TCF12: variants seen among roughly 807,000 people sequenced by gnomAD.
TCF12 encodes transcription factor 12.
Under a neutral mutation model 86.0 loss-of-function variants are expected in TCF12, and 45 were observed. The observed-to-expected ratio is 0.52, with a 90% confidence interval of 0.41 to 0.67. TCF12 has a LOEUF of 0.67. TCF12 is among the 30% of genes least tolerant of loss of function. The pLI, the probability that TCF12 is intolerant of heterozygous loss-of-function variation, is 0.00. For synonymous variants in TCF12, 330 were observed against 299.6 expected (o/e 1.10, Z -1.05); for missense variants, 881 against 859.9 (o/e 1.02, Z -0.31).
At chr15:56,970,215 C>T (rs1254659645) in intron 3 of TCF12, among the ~76,000 whole-genome samples, 1 of 152,066 alleles carries the variant, frequency 6.6e-6, no homozygotes, top group Admixed American at 6.5e-5. Context: ...GGAGTGGTGG[C>T]TCATGCCTGT....
intron 7 of TCF12, among the ~76,000 whole-genome samples, 176 bp downstream of exon 7, chr15:57,192,469 G>A (rs1046115431): frequency 6.6e-6 from 1 of 151,774 alleles, no homozygotes; most frequent in African/African-American, 2.4e-5. Context: ...GCTTACCGCA[G>A]TCTCAACCTC....
chr15:57,191,505 C>T (rs1193973035), intron 6 of TCF12, among the ~76,000 whole-genome samples: 3 of 152,046 alleles, frequency 2.0e-5, no homozygotes, highest in African/African-American at 4.8e-5. Context: ...TTTCTGCTGC[C>T]GTATGTGTTC....
At position 57,280,518 on chromosome 15, in the gene TCF12, C is replaced by T. The variant is rs77158342; in HGVS notation, c.1979-1927C>T. Among the ~76,000 whole-genome samples, 267 of 152,280 alleles carry T rather than the reference C, an allele frequency of 1.8e-3. 6 individuals are homozygous for T. In the East Asian group the frequency reaches 0.029, roughly 17 times the overall value. On this transcript the variant is annotated intron_variant, in intron 19 of 20. Transcript: ENST00000333725. ...AAGATTTTTGTTTACTTTTTAAAAA[C>T]TTGGATGTGAACTGTAAATGTGTAT...
intron 3 of TCF12, among the ~76,000 whole-genome samples, chr15:56,922,322 T>A (rs1268508678): frequency 1.3e-5 from 2 of 152,022 alleles, no homozygotes; most frequent in African/African-American, 4.8e-5. Flanking sequence ...TTGCCTACTG[T>A]TCCAGCTTAA....
chr15:57,010,398 G>A (rs1454720036), intron 3 of TCF12, among the ~76,000 whole-genome samples: 1 of 151,898 alleles, frequency 6.6e-6, no homozygotes, highest in Admixed American at 6.6e-5. Flanking sequence ...AAATAAACAA[G>A]ACATGCAGCC....
chr15:57,163,483 T>G (rs1354023980), intron 5 of TCF12, among the ~76,000 whole-genome samples: 1 of 152,076 alleles, frequency 6.6e-6, no homozygotes. Context: ...GAGGGTTGCT[T>G]GAGCCCAGGA....
At chr15:57,281,261 C>T (rs911867772) in intron 19 of TCF12, among the ~76,000 whole-genome samples, 1 of 152,134 alleles carries the variant, frequency 6.6e-6, no homozygotes, top group African/African-American at 2.4e-5. Context: ...TGTCACAGAT[C>T]CCACGCAGTC....
intron 12 of TCF12, among the ~76,000 whole-genome samples, chr15:57,240,153 G>A (rs2059551075): frequency 6.6e-6 from 1 of 152,278 alleles, no homozygotes; most frequent in Non-Finnish European, 1.5e-5. Flanking sequence ...CAAGGATTAT[G>A]CTTTTCATTC....
chr15:57,237,876 C>T (rs1344245796), intron 12 of TCF12, among the ~76,000 whole-genome samples: 1 of 152,162 alleles, frequency 6.6e-6, no homozygotes, highest in Non-Finnish European at 1.5e-5. Context: ...AGTGAAATGA[C>T]CTGTGATCCA....
chr15:57,123,982 A>AAAAAAAAAAAAAAT (rs1555511574), intron 5 of TCF12, among the ~76,000 whole-genome samples: 1 of 111,214 alleles, frequency 9.0e-6, no homozygotes, highest in African/African-American at 3.0e-5. Flanking sequence ...AAAAAAAAAA[A>AAAAAAAAAAAAAAT]TTTTTTTTTT....
intron 3 of TCF12, among the ~76,000 whole-genome samples, chr15:56,960,493 A>G (rs1461348866): frequency 6.7e-6 from 1 of 150,078 alleles, no homozygotes; most frequent in African/African-American, 2.5e-5. Context: ...GCAGTGGCAT[A>G]ATCTCGGCTC....
At chr15:57,103,918 G>A (rs1567429551) in intron 5 of TCF12, among the ~76,000 whole-genome samples, 1 of 152,152 alleles carries the variant, frequency 6.6e-6, no homozygotes, top group African/African-American at 2.4e-5. Flanking sequence ...TGAGGTGGGA[G>A]AATTGCTTGA....
intron 4 of TCF12, among the ~76,000 whole-genome samples, chr15:57,085,137 A>G (rs1031200670): frequency 6.6e-6 from 1 of 152,210 alleles, no homozygotes; most frequent in Non-Finnish European, 1.5e-5. Flanking sequence ...GCATTCATGA[A>G]TAAAATGTTA....
chr15:57,004,494 C>T (rs1007153514), intron 3 of TCF12, among the ~76,000 whole-genome samples: 6 of 152,030 alleles, frequency 3.9e-5, no homozygotes, highest in East Asian at 1.9e-4. Flanking sequence ...CTGCAAGCTC[C>T]GCCTCCCAGG....
chr15:57,035,804 G>C (rs2066470483), intron 3 of TCF12, among the ~76,000 whole-genome samples: 1 of 152,102 alleles, frequency 6.6e-6, no homozygotes, highest in Admixed American at 6.5e-5. Context: ...CTTGACTCAG[G>C]GGTCCCCAAA....
At chr15:57,079,296 G>A (rs1450343977) in intron 4 of TCF12, among the ~76,000 whole-genome samples, 30 of 152,236 alleles carry the variant, frequency 2.0e-4, no homozygotes, top group Admixed American at 1.9e-3. Flanking sequence ...TGTACTAGGT[G>A]AAGATGCTGA....
Position 57,226,900 on chromosome 15 carries a change from A to G in TCF12, c.580-4252A>G, listed in dbSNP as rs147072637. Among the ~76,000 whole-genome samples, 486 of 146,262 alleles carry G rather than the reference A, an allele frequency of 3.3e-3. 8 individuals carry two copies. Among genetic ancestry groups the G allele is most frequent in the African/African-American group, 0.011 (463 of 41,430 alleles). ...TGCACTATCCACATTTCAAGTGTTC[A>G]GTAGTCATGTGACTGATAGCTACTG... On this transcript the variant is annotated intron_variant, in intron 8 of 20. Coordinates refer to ENST00000333725, the MANE Select transcript of TCF12 (RefSeq NM_207037.2).
Position 57,232,461 on chromosome 15 carries a change from A to C in TCF12, c.825+31A>C, listed in dbSNP as rs890736446. 9.6e-6 allele frequency: 15 copies of C among 1,562,208 alleles called. No individual in the cohort carries two copies. In the African/African-American group the frequency reaches 1.8e-4, roughly 19 times the overall value. ...CTATAACACGTGACTAGGGTACAGC[A>C]ACACTTTGTCCTCACTTGTGTTTCT... On this transcript the variant is annotated intron_variant, in intron 10 of 20. Coordinates refer to ENST00000333725, the MANE Select transcript of TCF12 (RefSeq NM_207037.2).
chr15:57,193,417 C>T (rs1324827115), intron 7 of TCF12, among the ~76,000 whole-genome samples: 4 of 152,162 alleles, frequency 2.6e-5, no homozygotes, highest in African/African-American at 7.2e-5. Context: ...ATTATTTTTT[C>T]ATTAGCTCCC....
Sources: gnomAD v4.1 joint callset for allele counts (sites outside exome capture counted in the v4.1 genomes callset) on GRCh38, gnomAD v4.1.1 for gene constraint, MANE v1.5 for transcripts, NCBI Gene and HGNC (gene_info 2026-07-23, HGNC 2026-07-21) for gene names.